The following SLC36A1 variants were observed in gnomAD, a reference collection of about 807,000 sequenced individuals.
SLC36A1 encodes the protein proton-coupled amino acid transporter 1.
Under a neutral mutation model 47.5 loss-of-function variants are expected in SLC36A1, and 30 were observed. That is an observed-to-expected ratio of 0.63 (90% CI 0.47 to 0.86). The LOEUF is 0.86. Among genes scored for constraint, SLC36A1 ranks in the 40% least tolerant of loss-of-function variants. The probability of loss-of-function intolerance (pLI) is 0.00; values close to 1 mark genes in which losing one functional copy is unlikely to be tolerated. For synonymous variants in SLC36A1, 255 were observed against 249.7 expected, an observed-to-expected ratio of 1.02 and a Z score of -0.20; for missense variants, 517 against 606.0, an observed-to-expected ratio of 0.85 and a Z score of 1.54.
At chr5:151,538,640 G>A in the SLC36A1 span, among the ~76,000 whole-genome samples, 41 of 152,264 alleles carry the variant, frequency 2.7e-4, no homozygotes, top group Admixed American at 5.2e-4. Flanking sequence ...GGGCAAGCAT[G>A]GACCCCTACA....
At chr5:151,447,491 T>A (rs1306262640), upstream of SLC36A1, 7 of 152,140 alleles carry the variant, frequency 4.6e-5, no homozygotes, top group Admixed American at 2.6e-4. Flanking sequence ...CAGTAATAGG[T>A]CGCCAGGTGG....
the SLC36A1 span, among the ~76,000 whole-genome samples, chr5:151,503,764 G>C: frequency 2.0e-5 from 3 of 152,084 alleles, no homozygotes; most frequent in African/African-American, 7.2e-5. Flanking sequence ...GAAGCCCCAG[G>C]TCTTGTCCTG....
chr5:151,397,590 C>A, the SLC36A1 span, among the ~76,000 whole-genome samples: 1 of 151,900 alleles, frequency 6.6e-6, no homozygotes, highest in Non-Finnish European at 1.5e-5. Context: ...CATGGTGAAA[C>A]CCCGTCTCTA....
chr5:151,543,193 A>T, the SLC36A1 span: 4 of 1,614,152 alleles, frequency 2.5e-6, no homozygotes, highest in Non-Finnish European at 3.4e-6. Context: ...GCTGTCTTTC[A>T]CCTTGACCAC....
chr5:151,397,764 CAAAAAAAA>C, the SLC36A1 span, among the ~76,000 whole-genome samples: 1 of 44,338 alleles, frequency 2.3e-5, no homozygotes, highest in African/African-American at 8.9e-5. Flanking sequence ...AACTCCAACT[CAAAAAAAA>C]AAAAAAAAAA....
In SLC36A1 at chr5:151,458,356, T is replaced by TATACACAC. The variant is rs796511045; in HGVS notation, c.-5-431_-5-430insTACACACA. Among the ~76,000 whole-genome samples, 53 of 129,728 alleles carry TATACACAC rather than the reference T, an allele frequency of 4.1e-4. 1 individual carries two copies. The highest frequency in any genetic ancestry group is 3.5e-3 in the East Asian group (16 of 4,604). 85.1% of individuals were successfully genotyped at this position (129,728 alleles called of 152,430 possible). A position where few individuals can be genotyped will look rare whatever the true frequency, so the allele number is the denominator to read the frequency against. On this transcript the variant is annotated intron_variant, in intron 1 of 10. Coordinates refer to ENST00000243389, the MANE Select transcript of SLC36A1 (RefSeq NM_078483.4). ...TATGGGATATTTATATATATATATA[T>TATACACAC]ACACACACGATTGAACTATTGCACA... is the stretch of plus-strand genomic sequence containing the variant.
In SLC36A1 at chr5:151,471,254, C is replaced by T. The variant is rs570577026; in HGVS notation, c.724-2419C>T. 1.1e-4 allele frequency among the ~76,000 whole-genome samples: 17 copies of T among 152,238 alleles called. No homozygotes were observed. In the South Asian group the frequency reaches 1.7e-3, roughly 15 times the overall value. On this transcript the variant is annotated intron_variant, in intron 7 of 10. Coordinates refer to ENST00000243389, the MANE Select transcript of SLC36A1 (RefSeq NM_078483.4). The stretch of plus-strand genomic sequence containing the variant: ...GTCTCAGTTTCCAAGAACTTATTGA[C>T]GACAAGGGAGGACTTACTGTGTTGT...
the SLC36A1 span, among the ~76,000 whole-genome samples, chr5:151,369,982 A>G: frequency 6.6e-6 from 1 of 151,224 alleles, no homozygotes; most frequent in Non-Finnish European, 1.5e-5. Context: ...TTCAGTAGAG[A>G]TGGGGTTGGG....
the SLC36A1 span, among the ~76,000 whole-genome samples, chr5:151,370,376 T>G: frequency 6.6e-6 from 1 of 152,106 alleles, no homozygotes. Context: ...TGAATATAAA[T>G]GATACCACAT....
At chr5:151,479,940 C>T in intron 10 of SLC36A1, 1 of 594,454 alleles carries the variant, frequency 1.7e-6, no homozygotes, top group Non-Finnish European at 2.9e-6. Flanking sequence ...TGATAGTATT[C>T]TAGACATTTT....
At chr5:151,371,688 C>T in the SLC36A1 span, among the ~76,000 whole-genome samples, 2 of 152,092 alleles carry the variant, frequency 1.3e-5, no homozygotes, top group South Asian at 4.1e-4. Flanking sequence ...TGTAACAAGG[C>T]TAGTGAATAG....
the SLC36A1 span, among the ~76,000 whole-genome samples, chr5:151,500,181 G>A: frequency 1.1e-4 from 16 of 152,040 alleles, no homozygotes; most frequent in Non-Finnish European, 1.3e-4. Flanking sequence ...TTTATTTCGC[G>A]AACCCAAACG....
chr5:151,405,301 G>A, the SLC36A1 span, among the ~76,000 whole-genome samples: 1 of 150,182 alleles, frequency 6.7e-6, no homozygotes, highest in Non-Finnish European at 1.5e-5. Context: ...GACTTCCTTG[G>A]GTTGAGTTGC....
chr5:151,349,985 G>T, the SLC36A1 span, among the ~76,000 whole-genome samples: 1 of 152,128 alleles, frequency 6.6e-6, no homozygotes, highest in African/African-American at 2.4e-5. Flanking sequence ...CCAAGGCAGA[G>T]AGCTGGGAAA....
chr5:151,543,882 C>T, the SLC36A1 span: 5 of 1,614,184 alleles, frequency 3.1e-6, no homozygotes, highest in South Asian at 4.4e-5. Flanking sequence ...GAATCAGGTA[C>T]TCCAGGCGGG....
chr5:151,496,527 A>C (rs1760347753), downstream of SLC36A1, among the ~76,000 whole-genome samples: 1 of 152,224 alleles, frequency 6.6e-6, no homozygotes. Context: ...CAACTTTGCC[A>C]GCCTTTGGTG....
chr5:151,371,993 C>A, the SLC36A1 span, among the ~76,000 whole-genome samples: 1 of 152,152 alleles, frequency 6.6e-6, no homozygotes, highest in Non-Finnish European at 1.5e-5. Flanking sequence ...CATTATTCTA[C>A]CCAAAGGAAG....
At chr5:151,361,756 A>C in the SLC36A1 span, among the ~76,000 whole-genome samples, 2 of 152,224 alleles carry the variant, frequency 1.3e-5, no homozygotes, top group Non-Finnish European at 2.9e-5. Flanking sequence ...ATTTCTTATA[A>C]GATGGGTCTG....
At chr5:151,357,042 AAG>A in the SLC36A1 span, among the ~76,000 whole-genome samples, 1 of 152,212 alleles carries the variant, frequency 6.6e-6, no homozygotes, top group Non-Finnish European at 1.5e-5. Context: ...TAGCAAATCT[AAG>A]AGGAAGAAGG....
Sources: gnomAD v4.1 joint callset for allele counts (sites outside exome capture counted in the v4.1 genomes callset) on GRCh38, gnomAD v4.1.1 for gene constraint, MANE v1.5 for transcripts, NCBI Gene and HGNC (gene_info 2026-07-23, HGNC 2026-07-21) for gene names.